ANKRD27: variants seen among roughly 807,000 people sequenced by gnomAD.
ANKRD27 encodes ankyrin repeat domain-containing protein 27.
In ANKRD27, 112 loss-of-function variants were observed where a neutral mutation model predicts 129.7. That is an observed-to-expected ratio of 0.86 (90% confidence interval 0.74 to 1.01). The LOEUF is 1.01. Among genes scored for constraint, ANKRD27 ranks in the 50% least tolerant of loss-of-function variants. The pLI, the probability that ANKRD27 is intolerant of heterozygous loss-of-function variation, is 0.00. For synonymous variants in ANKRD27, 516 were observed against 511.2 expected (o/e 1.01, Z -0.13); for missense variants, 1,258 against 1,300.5 (o/e 0.97, Z 0.50).
At chr19:32,627,599 T>C (rs1282517063) in intron 15 of ANKRD27, among the ~76,000 whole-genome samples, 10 of 152,218 alleles carry the variant, frequency 6.6e-5, no homozygotes, top group South Asian at 2.1e-4. Flanking sequence ...AGTTTCTCCA[T>C]GTCGGCCAGG....
chr19:32,661,848 T>A (rs1967651917), intron 1 of ANKRD27, among the ~76,000 whole-genome samples: 2 of 152,150 alleles, frequency 1.3e-5, no homozygotes, highest in Admixed American at 1.3e-4. Flanking sequence ...AAAAAACACA[T>A]ATAAGTGGAC....
intron 22 of ANKRD27, among the ~76,000 whole-genome samples, chr19:32,608,185 T>TA (rs1690526955): frequency 6.7e-6 from 1 of 148,778 alleles, no homozygotes; most frequent in African/African-American, 2.5e-5. Context: ...TTTTTTTTTT[T>TA]TTTTTTGTAG....
At chr19:32,622,972 T>C (rs991367245) in intron 17 of ANKRD27, among the ~76,000 whole-genome samples, 1 of 150,284 alleles carries the variant, frequency 6.7e-6, no homozygotes, top group Non-Finnish European at 1.5e-5. Flanking sequence ...TTTTTTTTCC[T>C]GTAGAGACAG....
intron 22 of ANKRD27, among the ~76,000 whole-genome samples, chr19:32,608,089 G>A (rs1326926259): frequency 1.3e-5 from 2 of 150,586 alleles, no homozygotes; most frequent in East Asian, 1.9e-4. Flanking sequence ...CTACAGCCTC[G>A]ACCTCCTAGG....
intron 18 of ANKRD27, among the ~76,000 whole-genome samples, chr19:32,621,352 C>T (rs761608717): frequency 1.1e-4 from 16 of 152,072 alleles, no homozygotes; most frequent in East Asian, 1.9e-4. Flanking sequence ...TGGGGCTGGG[C>T]GCAATAACTC....
At chr19:32,606,738 G>A (rs1162813951) in intron 23 of ANKRD27, among the ~76,000 whole-genome samples, 1 of 151,884 alleles carries the variant, frequency 6.6e-6, no homozygotes, top group Non-Finnish European at 1.5e-5. Flanking sequence ...CTGAAATATG[G>A]CTCCTTTCTT....
chr19:32,631,587 C>G, intron 12 of ANKRD27, 93 bp from the exon 13 acceptor site: 2 of 946,312 alleles, frequency 2.1e-6, no homozygotes, highest in Non-Finnish European at 3.3e-6. Flanking sequence ...CTCTTCAGAG[C>G]AGTATCGGCT....
chr19:32,646,261 G>GCT (rs1967300934), intron 4 of ANKRD27, among the ~76,000 whole-genome samples, 198 bp downstream of exon 4: 1 of 151,058 alleles, frequency 6.6e-6, no homozygotes, highest in Non-Finnish European at 1.5e-5. Context: ...ATAGAGACAG[G>GCT]GTCTCACTAT....
intron 22 of ANKRD27, among the ~76,000 whole-genome samples, chr19:32,612,815 T>C (rs1377011723): frequency 1.3e-5 from 2 of 152,172 alleles, no homozygotes; most frequent in African/African-American, 2.4e-5. Context: ...AATTGGATCA[T>C]GGACTTAACT....
At chr19:32,666,729 C>G (rs1967765791) in intron 1 of ANKRD27, among the ~76,000 whole-genome samples, 1 of 150,130 alleles carries the variant, frequency 6.7e-6, no homozygotes, top group Non-Finnish European at 1.5e-5. Context: ...ACTGCAACCT[C>G]CACCCCTGTG....
At position 32,619,572 on chromosome 19, in the gene ANKRD27, T is replaced by C; in HGVS notation, c.1828-19A>G. 6.2e-7 allele frequency: 1 copy of C among 1,613,932 alleles called. No individual in the cohort carries two copies. Among genetic ancestry groups the C allele is most frequent in the Non-Finnish European group, 8.5e-7 (1 of 1,179,956 alleles). ...ACAGAATCTAGGGGGACAAGGGGGA[T>C]GCCAACAGTACCCCGTGAGATGGGG... On this transcript the variant is annotated intron_variant, in intron 18 of 28. Coordinates refer to ENST00000306065, the MANE Select transcript of ANKRD27 (RefSeq NM_032139.3).
At chr19:32,660,483 A>G (rs1967623744) in intron 1 of ANKRD27, among the ~76,000 whole-genome samples, 1 of 152,088 alleles carries the variant, frequency 6.6e-6, no homozygotes, top group Non-Finnish European at 1.5e-5. Context: ...ACGCCACCGC[A>G]CTCCAGCCTG....
chr19:32,597,920 T>G lies in ANKRD27; in HGVS notation c.*225A>C. 1 of 574,272 alleles carries G rather than the reference T, an allele frequency of 1.7e-6. No individual in the cohort carries two copies. Among genetic ancestry groups the G allele is most frequent in the Admixed American group, 3.0e-5 (1 of 33,072 alleles). The allele number at this position is 574,272 out of a possible 1,614,324, so 35.6% of individuals were successfully genotyped here. A position where few individuals can be genotyped will look rare whatever the true frequency, so the allele number is the denominator to read the frequency against. ...GATCTGGATGCTACTGGAATTTTTG[T>G]CTGTTTCAATTGTATTCATTAGCTT... On this transcript the variant is annotated 3_prime_UTR_variant, in exon 29 of 29. Transcript: ENST00000306065.
chr19:32,633,132 G>A (rs1402604413), intron 12 of ANKRD27, among the ~76,000 whole-genome samples: 1 of 152,140 alleles, frequency 6.6e-6, no homozygotes, highest in African/African-American at 2.4e-5. Context: ...GATTTAGACA[G>A]CAGTGATGAA....
At chr19:32,649,235 A>G (rs745640073) in intron 3 of ANKRD27, among the ~76,000 whole-genome samples, 28 of 152,132 alleles carry the variant, frequency 1.8e-4, no homozygotes, top group Non-Finnish European at 3.8e-4. Context: ...GGCCCCCCAA[A>G]GTGCTAGAAT....
intron 23 of ANKRD27, 34 bp from the exon 24 acceptor site, chr19:32,605,988 C>A (rs971509073): frequency 2.6e-6 from 4 of 1,561,288 alleles, no homozygotes; most frequent in African/African-American, 2.8e-5. Flanking sequence ...CAAACTTAAT[C>A]AAAATTTCTG....
At chr19:32,622,085 G>C (rs940640311) in intron 18 of ANKRD27, among the ~76,000 whole-genome samples, 2 of 152,152 alleles carry the variant, frequency 1.3e-5, no homozygotes, top group Non-Finnish European at 2.9e-5. Flanking sequence ...CGGGAAAAAA[G>C]AGTTCCAACA....
chr19:32,636,744 T>TA (rs1568409417), intron 12 of ANKRD27, among the ~76,000 whole-genome samples: 1 of 128,736 alleles, frequency 7.8e-6, no homozygotes, highest in East Asian at 2.2e-4. Context: ...TATATATTTT[T>TA]TATATATATA....
chr19:32,673,576 G>C (rs1041879480), intron 1 of ANKRD27: 4 of 433,638 alleles, frequency 9.2e-6, no homozygotes, highest in Non-Finnish European at 9.2e-6. Flanking sequence ...AGCTTCCCCC[G>C]AAGGGAAAGA....
Sources: gnomAD v4.1 joint callset for allele counts (sites outside exome capture counted in the v4.1 genomes callset) on GRCh38, gnomAD v4.1.1 for gene constraint, MANE v1.5 for transcripts, NCBI Gene and HGNC (gene_info 2026-07-23, HGNC 2026-07-21) for gene names.